CNOT1: variants seen among roughly 807,000 people sequenced by gnomAD.
CNOT1 encodes the protein CCR4-associated factor 1.
CNOT1 carries 15 observed loss-of-function variants against 273.8 expected under a neutral mutation model. The ratio of observed to expected loss-of-function variants is 0.05; its 90% CI spans 0.04 to 0.08. The LOEUF (loss-of-function observed/expected upper bound fraction) is 0.08. Ranked by LOEUF, CNOT1 falls within the 10% of genes least tolerant of loss-of-function variation. CNOT1 has a pLI of 1.00. For synonymous variants in CNOT1, 1,022 were observed against 1,005.5 expected (o/e 1.02, Z -0.31); for missense variants, 1,644 against 2,912.2 (o/e 0.56, Z 10.02).
intron 1 of CNOT1, among the ~76,000 whole-genome samples, chr16:58,618,735 A>G (rs2043189455): frequency 1.3e-5 from 2 of 151,824 alleles, no homozygotes; most frequent in African/African-American, 4.8e-5. Flanking sequence ...GAGATATGGC[A>G]ACCTCAAACG....
intron 1 of CNOT1, among the ~76,000 whole-genome samples, chr16:58,601,238 G>A (rs1012719038): frequency 1.3e-5 from 2 of 152,120 alleles, no homozygotes; most frequent in African/African-American, 4.8e-5. Flanking sequence ...TTACAAGCAT[G>A]AGCCATGGAG....
chr16:58,603,702 A>C (rs1434432602), intron 1 of CNOT1, among the ~76,000 whole-genome samples: 2 of 151,826 alleles, frequency 1.3e-5, no homozygotes, highest in African/African-American at 4.8e-5. Flanking sequence ...CCAAACTGAT[A>C]CCTTAGTCTG....
chr16:58,585,850 G>C (rs1475572415), intron 7 of CNOT1, among the ~76,000 whole-genome samples: 9 of 152,116 alleles, frequency 5.9e-5, no homozygotes, highest in Admixed American at 5.2e-4. Context: ...TAGAATATCA[G>C]TCTATTTATT....
intron 13 of CNOT1, among the ~76,000 whole-genome samples, chr16:58,577,497 C>G (rs1376148005): frequency 6.6e-6 from 1 of 152,038 alleles, no homozygotes; most frequent in Non-Finnish European, 1.5e-5. Flanking sequence ...TAATAAAGAG[C>G]CTTATTTCAC....
intron 16 of CNOT1, among the ~76,000 whole-genome samples, chr16:58,573,871 T>A (rs915186459): frequency 6.6e-6 from 1 of 152,056 alleles, no homozygotes; most frequent in Non-Finnish European, 1.5e-5. Context: ...GGGAAATTCA[T>A]AATCCCCAAT....
At chr16:58,608,618 T>C (rs866199736) in intron 1 of CNOT1, among the ~76,000 whole-genome samples, 1 of 149,352 alleles carries the variant, frequency 6.7e-6, no homozygotes, top group African/African-American at 2.5e-5. Flanking sequence ...ACCTACTGGG[T>C]ATCTGTCCAG....
In CNOT1 at chr16:58,539,997, G is replaced by A. The variant is rs246194; in HGVS notation, c.4801-38C>T. ...AGGAAACAACCAACAAGAGACAAAA[G>A]AATGTTAAGGTTTTTTATTGACACA... On this transcript the variant is annotated intron_variant, in intron 34 of 48. Transcript: ENST00000317147. 406,360 of 1,566,020 alleles carry A rather than the reference G, an allele frequency of 0.26. 55,057 individuals are homozygous for A. Among genetic ancestry groups the A allele is most frequent in the Admixed American group, 0.4 (21,040 of 52,218 alleles).
chr16:58,603,408 AGTGTGTGTGTGTGTGTGTGTGTGT>A (rs200088613), intron 1 of CNOT1, among the ~76,000 whole-genome samples: 6 of 96,652 alleles, frequency 6.2e-5, no homozygotes, highest in East Asian at 2.6e-4. Context: ...ACAATTTAAA[AGTGTGTGTGTGTGTGTGTGTGTGT>A]GTGTGTGTGT....
chr16:58,574,716 A>G lies in CNOT1; in HGVS notation c.1872T>C (p.Cys624=). ...GGGCAAGTCCGCCCAAAATAGAAGGACACCGTCTCTTTAAAAAAGTCATAC... is the reference window on the plus strand; with the variant it reads ...GGGCAAGTCCGCCCAAAATAGAAGGGCACCGTCTCTTTAAAAAAGTCATAC... ...QACMTFLKRR[C]PSILGGLAPE... Residue 624 remains cysteine, a synonymous_variant, in exon 16 of 49, where the codon TGT becomes TGC. Coordinates refer to ENST00000317147, the MANE Select transcript of CNOT1 (RefSeq NM_016284.5). 1 of 1,606,708 alleles carries G rather than the reference A, an allele frequency of 6.2e-7. No homozygotes were observed. The highest frequency in any genetic ancestry group is 8.5e-7 in the Non-Finnish European group (1 of 1,178,606).
intron 13 of CNOT1, among the ~76,000 whole-genome samples, chr16:58,577,441 G>A (rs1044746143): frequency 2.0e-5 from 3 of 152,214 alleles, no homozygotes; most frequent in East Asian, 1.9e-4. Context: ...GAAAGGAGGG[G>A]AAACTAACTG....
rs141965987 is a variant in CNOT1 at position 58,580,357 on chromosome 16, G to C, written c.1343+276C>G. Among the ~76,000 whole-genome samples, 392 of 148,670 alleles carry C rather than the reference G, an allele frequency of 2.6e-3. 3 individuals are homozygous for C. Among genetic ancestry groups the C allele is most frequent in the African/African-American group, 8.9e-3 (364 of 40,692 alleles). On this transcript the variant is annotated intron_variant, in intron 12 of 48. Transcript: ENST00000317147. ...GAGAAGAAATCTCAATACTAAGGGA[G>C]AAAGGAGGAAGTACAAATCTTTCCA...
chr16:58,588,716 G>A (rs749130834), intron 3 of CNOT1, 83 bp downstream of exon 3: 22 of 1,498,224 alleles, frequency 1.5e-5, no homozygotes, highest in African/African-American at 2.8e-5. Flanking sequence ...TATTTTGTAC[G>A]TGTCATATGC....
chr16:58,570,326 A>G (rs2041224069), intron 16 of CNOT1, among the ~76,000 whole-genome samples: 1 of 152,214 alleles, frequency 6.6e-6, no homozygotes, highest in Non-Finnish European at 1.5e-5. Flanking sequence ...TACAAAGGAC[A>G]GTATAAATCT....
intron 1 of CNOT1, among the ~76,000 whole-genome samples, chr16:58,625,633 A>G (rs2043539362): frequency 6.6e-6 from 1 of 152,080 alleles, no homozygotes; most frequent in South Asian, 2.1e-4. Flanking sequence ...GCAGCAAGCC[A>G]AGATCATACC....
intron 45 of CNOT1, among the ~76,000 whole-genome samples, chr16:58,525,604 T>C (rs1283364191): frequency 6.6e-6 from 1 of 152,206 alleles, no homozygotes; most frequent in East Asian, 1.9e-4. Flanking sequence ...GTAAAGTTTA[T>C]AAAATCAAAA....
At chr16:58,627,613 T>C (rs540101627) in intron 1 of CNOT1, among the ~76,000 whole-genome samples, 3 of 151,730 alleles carry the variant, frequency 2.0e-5, no homozygotes, top group Non-Finnish European at 4.4e-5. Context: ...TGACAACATC[T>C]ATGTTAAAGA....
rs1294547899 is a variant in CNOT1 at position 58,534,671 on chromosome 16, G to A, written c.5647-276C>T. On this transcript the variant is annotated intron_variant, in intron 39 of 48. Coordinates refer to ENST00000317147, the MANE Select transcript of CNOT1 (RefSeq NM_016284.5). Reference sequence around the variant, plus strand: ...GAACAGTAGGTCCCCACCAAATAATGTGAAAAATTAACCATGCAAATAAAA... The same window carrying A: ...GAACAGTAGGTCCCCACCAAATAATATGAAAAATTAACCATGCAAATAAAA... Among the ~76,000 whole-genome samples, 7 of 152,264 alleles carry A rather than the reference G, an allele frequency of 4.6e-5. 1 individual carries two copies. In the South Asian group the frequency reaches 1.2e-3, roughly 27 times the overall value.
intron 36 of CNOT1, 48 bp from the exon 37 acceptor site, chr16:58,538,314 A>G (rs1228461439): frequency 3.5e-6 from 3 of 845,652 alleles, no homozygotes; most frequent in African/African-American, 3.3e-5. Context: ...ACCATACTGT[A>G]AAAGGGCCCA....
intron 1 of CNOT1, among the ~76,000 whole-genome samples, chr16:58,611,199 C>T (rs1045854863): frequency 1.3e-4 from 20 of 151,396 alleles, no homozygotes; most frequent in African/African-American, 4.4e-4. Flanking sequence ...GAGGCTGAGG[C>T]GGGTGGACTG....
Sources: allele counts gnomAD v4.1 joint callset (sites outside exome capture counted in the v4.1 genomes callset), GRCh38; gene constraint gnomAD v4.1.1; transcripts MANE v1.5; gene names NCBI Gene and HGNC (gene_info 2026-07-23, HGNC 2026-07-21).